Variants in CCSAP observed in about 807,000 individuals in gnomAD.
CCSAP encodes the protein centriole, cilia and spindle-associated protein.
In CCSAP, 17 loss-of-function variants were observed where a neutral mutation model predicts 25.9. The ratio of observed to expected loss-of-function variants is 0.66; its 90% CI spans 0.45 to 0.99. CCSAP has a LOEUF of 0.99. Ranked by LOEUF, CCSAP falls within the 50% of genes least tolerant of loss-of-function variation. CCSAP has a pLI of 0.00. For missense variants in CCSAP, 339 were observed against 367.8 expected (o/e 0.92, Z 0.64); for synonymous variants, 169 against 157.1 (o/e 1.08, Z -0.57).
At chr1:229,341,947 A>G (rs953731994) in intron 2 of CCSAP, 152 bp downstream of exon 2, 3 of 1,067,488 alleles carry the variant, frequency 2.8e-6, no homozygotes, top group African/African-American at 3.3e-5. Flanking sequence ...CACCTTCCCT[A>G]TTTTGTCAAG....
At chr1:229,327,079 A>C in intron 2 of CCSAP, 73 bp from the exon 3 acceptor site, 1 of 1,256,332 alleles carries the variant, frequency 8.0e-7, no homozygotes. Context: ...ATTTATGTTG[A>C]AAAATCATAA....
Position 229,342,020 on chromosome 1 carries a change from A to G in CCSAP, c.367+79T>C, listed in dbSNP as rs12756927. ...GAGCCAGCCCCGAGTGGCGCAAGAA[A>G]TAAGAGATCAGCTGCTCAGAGCTTA... is the stretch of plus-strand genomic sequence containing the variant. On this transcript the variant is annotated intron_variant, in intron 2 of 3. Coordinates refer to ENST00000284617, the MANE Select transcript of CCSAP (RefSeq NM_145257.5). The surrounding 1 kb of genome is among the most constrained non-coding windows in gnomAD (Gnocchi z 7.5). 0.13 allele frequency: 169,931 copies of G among 1,261,770 alleles called. 12,663 individuals are homozygous for G. Among genetic ancestry groups the G allele is most frequent in the East Asian group, 0.3 (10,069 of 33,108 alleles). 78.2% of individuals were successfully genotyped at this position (1,261,770 alleles called of 1,614,324 possible).
Position 229,337,678 on chromosome 1 carries a change from A to AAAAAAAAATAT in CCSAP, c.367+4420_367+4421insATATTTTTTTT. 2.0e-3 allele frequency among the ~76,000 whole-genome samples: 128 copies of AAAAAAAAATAT among 65,498 alleles called. 3 individuals are homozygous for AAAAAAAAATAT. Among genetic ancestry groups the AAAAAAAAATAT allele is most frequent in the South Asian group, 4.0e-3 (10 of 2,488 alleles). The allele number at this position is 65,498 out of a possible 152,430, so 43.0% of individuals were successfully genotyped here. A position where few individuals can be genotyped will look rare whatever the true frequency, so the allele number is the denominator to read the frequency against. On this transcript the variant is annotated intron_variant, in intron 2 of 3. Transcript: ENST00000284617. ...GAACAAGATCAAAGGCTCAAAAAAA[A>AAAAAAAAATAT]ATATATATATATATATATATACACA...
chr1:229,326,244 G>C (rs1363322755), intron 3 of CCSAP, among the ~76,000 whole-genome samples: 1 of 152,186 alleles, frequency 6.6e-6, no homozygotes, highest in African/African-American at 2.4e-5. Context: ...GGGAAATGCA[G>C]CCATTTGAAT....
chr1:229,329,801 A>G (rs1658028171), intron 2 of CCSAP, among the ~76,000 whole-genome samples: 1 of 151,990 alleles, frequency 6.6e-6, no homozygotes, highest in South Asian at 2.1e-4. Context: ...GACCAGCCTG[A>G]CCAATATGGT....
At chr1:229,332,167 G>A (rs1658083780) in intron 2 of CCSAP, among the ~76,000 whole-genome samples, 2 of 151,908 alleles carry the variant, frequency 1.3e-5, no homozygotes, top group South Asian at 4.1e-4. Flanking sequence ...TAATAAACTG[G>A]CAAACATTAA....
chr1:229,331,644 C>T (rs1192543278), intron 2 of CCSAP, among the ~76,000 whole-genome samples: 5 of 152,168 alleles, frequency 3.3e-5, no homozygotes, highest in Middle Eastern at 3.4e-3. Context: ...TGCCACTAGG[C>T]AGGACTCTAA....
chr1:229,330,916 C>T (rs1410036388), intron 2 of CCSAP, among the ~76,000 whole-genome samples: 2 of 151,842 alleles, frequency 1.3e-5, no homozygotes, highest in Non-Finnish European at 2.9e-5. Flanking sequence ...AGAGACTTTG[C>T]CTTGGCAGCT....
At position 229,326,974 on chromosome 1, in the gene CCSAP, C is replaced by G; in HGVS notation, c.400G>C (p.Glu134Gln). 6.2e-7 allele frequency: 1 copy of G among 1,613,702 alleles called. No homozygotes were observed. ...LPVKDVEDKP[E>Q]QQTRTRETDK... ...GTCTCTCTTGTTCTGGTTTGTTGTT[C>G]AGGTTTATCTTCTACATCTTTCACT... The change falls in exon 3 of 4, where the codon GAA (glutamate) becomes CAA (glutamine). Residue 134 changes from glutamate to glutamine, a missense_variant. Transcript: ENST00000284617.
chr1:229,335,625 G>A (rs997695555), intron 2 of CCSAP, among the ~76,000 whole-genome samples: 3 of 152,332 alleles, frequency 2.0e-5, no homozygotes, highest in Admixed American at 6.5e-5. Flanking sequence ...AAAAAGCAAC[G>A]CAGCATCAAC....
chr1:229,339,315 G>T (rs146995451), intron 2 of CCSAP, among the ~76,000 whole-genome samples: 1 of 152,128 alleles, frequency 6.6e-6, no homozygotes, highest in African/African-American at 2.4e-5. Flanking sequence ...GAATCATAAC[G>T]AGGCAGGCTG....
chr1:229,333,194 A>T (rs992914942), intron 2 of CCSAP, among the ~76,000 whole-genome samples: 38 of 152,324 alleles, frequency 2.5e-4, no homozygotes, highest in Non-Finnish European at 4.4e-4. Flanking sequence ...GCACTTTGGG[A>T]GGCCAAGGCG....
At chr1:229,326,634 CCCAAAGCACCCAGTGG>C in intron 3 of CCSAP, 88 bp downstream of exon 3, 1 of 1,393,406 alleles carries the variant, frequency 7.2e-7, no homozygotes, top group Non-Finnish European at 9.9e-7. Flanking sequence ...CTCCCATGGG[CCCAAAGCACCCAGTGG>C]CCAAAGGACA....
intron 2 of CCSAP, among the ~76,000 whole-genome samples, chr1:229,329,885 G>T (rs1412332203): frequency 2.6e-5 from 4 of 152,178 alleles, no homozygotes; most frequent in African/African-American, 9.7e-5. Flanking sequence ...CACCTATTTG[G>T]TAGGCTGAGG....
chr1:229,340,505 C>G, intron 2 of CCSAP: 1 of 707,486 alleles, frequency 1.4e-6, no homozygotes. Context: ...AATAAAAGAT[C>G]GGGGAGAGAA....
At chr1:229,340,862 T>C (rs555530711) in intron 2 of CCSAP, among the ~76,000 whole-genome samples, 1 of 152,198 alleles carries the variant, frequency 6.6e-6, no homozygotes, top group Non-Finnish European at 1.5e-5. Context: ...CATAAATGAA[T>C]AAAGTCACTG....
rs1291680510 is a variant in CCSAP, at chr1:229,323,917, T to G, written c.*1318A>C. On this transcript the variant is annotated 3_prime_UTR_variant, in exon 4 of 4. Coordinates refer to ENST00000284617, the MANE Select transcript of CCSAP (RefSeq NM_145257.5). ...GGCATAGGCAGAGCACCATTATCTC[T>G]TATAAGGAACTTAGCACATATCCTT... is the stretch of plus-strand genomic sequence containing the variant. 1 of 147,806 alleles carries G rather than the reference T, an allele frequency of 6.8e-6. No homozygotes were observed. The highest frequency in any genetic ancestry group is 1.5e-5 in the Non-Finnish European group (1 of 67,362). The allele number at this position is 147,806 out of a possible 1,614,324, so 9.2% of individuals were successfully genotyped here. A position where few individuals can be genotyped will look rare whatever the true frequency, so the allele number is the denominator to read the frequency against.
chr1:229,329,350 G>A (rs1658014350), intron 2 of CCSAP, among the ~76,000 whole-genome samples: 1 of 152,222 alleles, frequency 6.6e-6, no homozygotes, highest in Admixed American at 6.5e-5. Context: ...AGAGGGAATG[G>A]CTTCTTCAAT....
chr1:229,336,432 C>T (rs561422503), intron 2 of CCSAP, among the ~76,000 whole-genome samples: 17 of 152,138 alleles, frequency 1.1e-4, no homozygotes, highest in Non-Finnish European at 2.1e-4. Context: ...GACCCCTCCT[C>T]GGCACCTTCC....
Sources: gnomAD v4.1 joint callset for allele counts (sites outside exome capture counted in the v4.1 genomes callset) on GRCh38, gnomAD v4.1.1 for gene constraint, Gnocchi (gnomAD v3.1) non-coding constraint, MANE v1.5 for transcripts, NCBI Gene and HGNC (gene_info 2026-07-23, HGNC 2026-07-21) for gene names.